Variants in DOCK3 observed in about 807,000 individuals in gnomAD.
DOCK3 encodes the protein dedicator of cytokinesis 3.
DOCK3 carries 60 observed loss-of-function variants against 265.6 expected under a neutral mutation model. That is an observed-to-expected ratio of 0.23 (90% CI 0.18 to 0.28). The LOEUF (loss-of-function observed/expected upper bound fraction) is 0.28. DOCK3 is among the 10% of genes least tolerant of loss of function. The pLI, the probability that DOCK3 is intolerant of heterozygous loss-of-function variation, is 1.00. For missense variants in DOCK3, 1,981 were observed against 2,594.3 expected, an observed-to-expected ratio of 0.76 and a Z score of 5.14; for synonymous variants, 881 against 938.0, an observed-to-expected ratio of 0.94 and a Z score of 1.11.
chr3:50,984,931 T>C (rs997429658), intron 5 of DOCK3, among the ~76,000 whole-genome samples: 1 of 152,228 alleles, frequency 6.6e-6, no homozygotes, highest in Non-Finnish European at 1.5e-5. Context: ...GAGTAAGTTG[T>C]GTGCAAATAC....
chr3:50,934,601 A>G (rs1371457981), intron 5 of DOCK3, among the ~76,000 whole-genome samples: 1 of 152,156 alleles, frequency 6.6e-6, no homozygotes, highest in African/African-American at 2.4e-5. Context: ...CTGAGGCAGG[A>G]GGACTGCTTA....
intron 10 of DOCK3, among the ~76,000 whole-genome samples, chr3:51,157,437 G>A (rs958463490): frequency 1.6e-4 from 24 of 152,138 alleles, no homozygotes; most frequent in Non-Finnish European, 2.8e-4. Flanking sequence ...GTAGAGATGG[G>A]GTTTCACCAT....
At chr3:50,681,743 TA>T (rs1366242991) in intron 1 of DOCK3, among the ~76,000 whole-genome samples, 1 of 152,348 alleles carries the variant, frequency 6.6e-6, no homozygotes, top group East Asian at 1.9e-4. Context: ...TACAATGGAA[TA>T]AAATCCCATC....
chr3:51,083,915 C>T (rs1314921810), intron 7 of DOCK3, among the ~76,000 whole-genome samples: 1 of 151,980 alleles, frequency 6.6e-6, no homozygotes, highest in South Asian at 2.1e-4. Flanking sequence ...ACCCAGGAGG[C>T]GAAGGTTGCA....
At chr3:51,233,257 A>G (rs997291467) in intron 19 of DOCK3, among the ~76,000 whole-genome samples, 1 of 152,190 alleles carries the variant, frequency 6.6e-6, no homozygotes, top group East Asian at 1.9e-4. Flanking sequence ...ACCCATGAGC[A>G]CGGAAGGTTT....
rs1470209702 is a variant in DOCK3, at chr3:51,232,497, A to G, written c.1917+2888A>G. 5.3e-5 allele frequency among the ~76,000 whole-genome samples: 8 copies of G among 152,288 alleles called. No homozygotes were observed. In the East Asian group the frequency reaches 9.7e-4, roughly 18 times the overall value. On this transcript the variant is annotated intron_variant, in intron 19 of 52. Transcript: ENST00000266037. ...ACTAATTTGCATTCCCACCAGCAGT[A>G]TAAAAGTATTCCCTTTTCACCACAT... is the stretch of plus-strand genomic sequence containing the variant.
intron 19 of DOCK3, among the ~76,000 whole-genome samples, chr3:51,234,175 A>G (rs1036069791): frequency 6.6e-6 from 1 of 152,190 alleles, no homozygotes; most frequent in Non-Finnish European, 1.5e-5. Context: ...TCTTTTGGTA[A>G]TAGCTCTCCC....
intron 2 of DOCK3, among the ~76,000 whole-genome samples, chr3:50,832,847 C>T (rs1225436952): frequency 6.6e-6 from 1 of 152,070 alleles, no homozygotes; most frequent in Non-Finnish European, 1.5e-5. Context: ...GAGAGGAGCT[C>T]AGTCAGAAAG....
chr3:51,262,082 C>G (rs1350097651), intron 23 of DOCK3, among the ~76,000 whole-genome samples: 2 of 152,212 alleles, frequency 1.3e-5, no homozygotes, highest in African/African-American at 2.4e-5. Context: ...CAGACTGTCT[C>G]CTTAAGTGGA....
chr3:51,237,690 CTT>C (rs1278233841), intron 21 of DOCK3, 100 bp downstream of exon 21: 15 of 1,048,838 alleles, frequency 1.4e-5, no homozygotes, highest in Non-Finnish European at 2.0e-5. Context: ...GTTCAGCTGA[CTT>C]TTTAAAAATT....
intron 1 of DOCK3, among the ~76,000 whole-genome samples, chr3:50,751,203 C>T (rs959575012): frequency 2.6e-5 from 4 of 151,770 alleles, no homozygotes; most frequent in Non-Finnish European, 5.9e-5. Context: ...GAAAAAGAAG[C>T]CCCTGAAGTG....
intron 9 of DOCK3, among the ~76,000 whole-genome samples, chr3:51,126,239 G>T (rs889623568): frequency 6.6e-6 from 1 of 152,156 alleles, no homozygotes; most frequent in Non-Finnish European, 1.5e-5. Context: ...CTAGGTCTGG[G>T]TTACTCTTGG....
At chr3:51,264,342 T>C (rs936034746) in intron 23 of DOCK3, among the ~76,000 whole-genome samples, 2 of 151,680 alleles carry the variant, frequency 1.3e-5, no homozygotes, top group African/African-American at 4.8e-5. Context: ...GCAGAGGTTC[T>C]TTGAAACCAA....
At chr3:51,021,173 A>AG (rs140154053) in intron 5 of DOCK3, among the ~76,000 whole-genome samples, 3,690 of 151,950 alleles carry the variant, frequency 0.024, 77 homozygotes, top group Middle Eastern at 0.041. Flanking sequence ...CTCCTTGAAG[A>AG]GGTCCTTCAA....
chr3:51,224,772 A>G (rs1300636533), intron 14 of DOCK3, among the ~76,000 whole-genome samples: 1 of 151,658 alleles, frequency 6.6e-6, no homozygotes, highest in Non-Finnish European at 1.5e-5. Flanking sequence ...TCTTTAGTTC[A>G]TGTGAATAAA....
intron 1 of DOCK3, among the ~76,000 whole-genome samples, chr3:50,763,713 C>T (rs2040677481): frequency 6.6e-6 from 1 of 151,846 alleles, no homozygotes; most frequent in Non-Finnish European, 1.5e-5. Flanking sequence ...ATTTTTTTAA[C>T]GTTGGTAGTA....
chr3:51,089,236 T>C lies in DOCK3; in HGVS notation c.550-7T>C, dbSNP rs1027273984. The C allele has an allele frequency of 3.1e-6, 5 of 1,605,172 alleles. No homozygotes were observed. In the Admixed American group the frequency reaches 5.1e-5, roughly 16 times the overall value. ...TAGAGTTTATTTTTCTTTCCTTCTT[T>C]CCATAGCATTTATCTAGCCGGCAGA... On this transcript the variant is annotated splice_region_variant and splice_polypyrimidine_tract_variant and intron_variant, in intron 7 of 52. Coordinates refer to ENST00000266037, the MANE Select transcript of DOCK3 (RefSeq NM_004947.5).
At chr3:51,116,255 T>C (rs1259722976) in intron 9 of DOCK3, among the ~76,000 whole-genome samples, 3 of 151,790 alleles carry the variant, frequency 2.0e-5, no homozygotes, top group Admixed American at 2.0e-4. Flanking sequence ...ATCAAGACCA[T>C]CCTGGCTAAC....
At chr3:51,297,117 C>CAAAAAAAAAAAAAAAAAAAAAA (rs71633066) in intron 27 of DOCK3, among the ~76,000 whole-genome samples, 1 of 65,906 alleles carries the variant, frequency 1.5e-5, no homozygotes, top group African/African-American at 6.9e-5. Flanking sequence ...GACTCTGTCT[C>CAAAAAAAAAAAAAAAAAAAAAA]AAAAAAAAAA....
Sources: allele counts gnomAD v4.1 joint callset (sites outside exome capture counted in the v4.1 genomes callset), GRCh38; gene constraint gnomAD v4.1.1; transcripts MANE v1.5; gene names NCBI Gene and HGNC (gene_info 2026-07-23, HGNC 2026-07-21).